ASIC2: variants seen among roughly 807,000 people sequenced by gnomAD.
ASIC2 encodes acid-sensing ion channel 2.
A neutral mutation model predicts 57.3 loss-of-function variants in ASIC2; 25 were observed. The ratio of observed to expected loss-of-function variants is 0.44; its 90% CI spans 0.32 to 0.61. The LOEUF is 0.61. ASIC2 is among the 20% of genes least tolerant of loss of function. The pLI is 0.06. For synonymous variants in ASIC2, 319 were observed against 307.5 expected (o/e 1.04, Z -0.39); for missense variants, 641 against 738.1 (o/e 0.87, Z 1.52).
intron 1 of ASIC2, among the ~76,000 whole-genome samples, chr17:33,982,737 G>A (rs1292024453): frequency 2.0e-5 from 3 of 152,306 alleles, no homozygotes; most frequent in South Asian, 4.1e-4. Context: ...AAAGGAGATT[G>A]TATAGGAAAG....
At chr17:33,207,956 A>G (rs1907129789) in intron 1 of ASIC2, among the ~76,000 whole-genome samples, 1 of 152,036 alleles carries the variant, frequency 6.6e-6, no homozygotes, top group Non-Finnish European at 1.5e-5. Context: ...CTGTTTCCCT[A>G]TCTGTGTTTC....
intron 1 of ASIC2, chr17:34,038,477 A>T: frequency 6.2e-7 from 1 of 1,612,198 alleles, no homozygotes; most frequent in Non-Finnish European, 8.5e-7. Context: ...TTTCACAGCT[A>T]CGTATCTTTG....
At chr17:33,728,185 C>T (rs201396589) in intron 1 of ASIC2, among the ~76,000 whole-genome samples, 1 of 152,214 alleles carries the variant, frequency 6.6e-6, no homozygotes, top group South Asian at 2.1e-4. Context: ...CTGGAGACAC[C>T]AAAAGAAGAG....
chr17:33,993,949 C>T (rs1357406935), intron 1 of ASIC2, among the ~76,000 whole-genome samples: 1 of 152,162 alleles, frequency 6.6e-6, no homozygotes, highest in Non-Finnish European at 1.5e-5. Flanking sequence ...TTTCTATATA[C>T]AACCTGTCTT....
intron 1 of ASIC2, among the ~76,000 whole-genome samples, chr17:33,922,822 A>T (rs917906862): frequency 6.6e-6 from 1 of 152,302 alleles, no homozygotes; most frequent in East Asian, 1.9e-4. Flanking sequence ...ATATGCCACC[A>T]TCTCACGAAT....
chr17:33,104,203 A>T (rs779674521), intron 2 of ASIC2, among the ~76,000 whole-genome samples: 13 of 150,734 alleles, frequency 8.6e-5, no homozygotes, highest in African/African-American at 1.2e-4. Context: ...TTACATATAT[A>T]AAAAAAACCC....
intron 1 of ASIC2, among the ~76,000 whole-genome samples, chr17:34,021,078 G>A (rs1349284735): frequency 6.6e-6 from 1 of 151,954 alleles, no homozygotes; most frequent in Non-Finnish European, 1.5e-5. Context: ...GGTGGACTCT[G>A]GGGACTCGGG....
intron 1 of ASIC2, among the ~76,000 whole-genome samples, chr17:33,595,954 A>G (rs985894176): frequency 1.3e-5 from 2 of 152,222 alleles, no homozygotes; most frequent in African/African-American, 4.8e-5. Context: ...CCCCCTCAGT[A>G]GAGTCTATGC....
At chr17:33,284,903 C>T (rs944662993) in intron 1 of ASIC2, among the ~76,000 whole-genome samples, 2 of 152,204 alleles carry the variant, frequency 1.3e-5, no homozygotes, top group African/African-American at 4.8e-5. Flanking sequence ...TAGACTCAGT[C>T]ACTCCGATGA....
At chr17:34,056,165 C>A (rs1277803929) in intron 1 of ASIC2, among the ~76,000 whole-genome samples, 1 of 152,156 alleles carries the variant, frequency 6.6e-6, no homozygotes, top group Non-Finnish European at 1.5e-5. Flanking sequence ...CTATTAGGAT[C>A]TTTTACTGCA....
At chr17:33,729,935 A>C (rs1909687748) in intron 1 of ASIC2, among the ~76,000 whole-genome samples, 1 of 152,184 alleles carries the variant, frequency 6.6e-6, no homozygotes, top group Non-Finnish European at 1.5e-5. Flanking sequence ...TGCTAGAAAA[A>C]AGCAAAGCTG....
At chr17:33,685,636 G>GA (rs1230150456) in intron 1 of ASIC2, among the ~76,000 whole-genome samples, 2 of 152,220 alleles carry the variant, frequency 1.3e-5, no homozygotes, top group African/African-American at 4.8e-5. Context: ...TGAATTCTGA[G>GA]AGGAAGGAGG....
chr17:34,119,297 T>TCTCCCAAG (rs879481070), intron 1 of ASIC2, among the ~76,000 whole-genome samples: 93 of 152,302 alleles, frequency 6.1e-4, no homozygotes, highest in South Asian at 4.1e-3. Context: ...CAAGCCTCTG[T>TCTCCCAAG]TTCCTTACCT....
chr17:33,263,283 T>C (rs905832207), intron 1 of ASIC2, among the ~76,000 whole-genome samples: 1 of 152,182 alleles, frequency 6.6e-6, no homozygotes, highest in African/African-American at 2.4e-5. Flanking sequence ...ACAATGCATC[T>C]CAGAAAGGAC....
chr17:34,042,435 A>G (rs1471574714), intron 1 of ASIC2, among the ~76,000 whole-genome samples: 2 of 152,168 alleles, frequency 1.3e-5, no homozygotes, highest in Non-Finnish European at 2.9e-5. Context: ...ATCCCGAGTA[A>G]AAGAATCCAG....
intron 1 of ASIC2, among the ~76,000 whole-genome samples, chr17:33,366,005 T>A (rs1488209150): frequency 6.6e-6 from 1 of 152,148 alleles, no homozygotes; most frequent in African/African-American, 2.4e-5. Flanking sequence ...AATAGCCAGA[T>A]GGTGCCTGGG....
At chr17:33,763,394 C>T (rs915714397) in intron 1 of ASIC2, among the ~76,000 whole-genome samples, 6 of 152,192 alleles carry the variant, frequency 3.9e-5, no homozygotes, top group Non-Finnish European at 7.3e-5. Context: ...CCATCTCTAG[C>T]CCTGACCTTC....
intron 1 of ASIC2, among the ~76,000 whole-genome samples, chr17:33,684,312 G>A (rs980995002): frequency 3.3e-5 from 5 of 151,964 alleles, no homozygotes; most frequent in Admixed American, 6.5e-5. Context: ...CTCCCAGCCC[G>A]ACCCTGGGGT....
intron 1 of ASIC2, among the ~76,000 whole-genome samples, chr17:33,957,285 G>A (rs1260885401): frequency 6.6e-6 from 1 of 152,202 alleles, no homozygotes; most frequent in Non-Finnish European, 1.5e-5. Context: ...GAGAAGAGAA[G>A]CAACATGCCC....
Sources: gnomAD v4.1 joint callset for allele counts (sites outside exome capture counted in the v4.1 genomes callset) on GRCh38, gnomAD v4.1.1 for gene constraint, MANE v1.5 for transcripts, NCBI Gene and HGNC (gene_info 2026-07-23, HGNC 2026-07-21) for gene names.